Variants in ERC1 observed in about 807,000 individuals in gnomAD.
The protein encoded by ERC1 is RAB6 interacting protein 2.
ERC1 carries 56 observed loss-of-function variants against 132.0 expected under a neutral mutation model. That is an observed-to-expected ratio of 0.42 (90% confidence interval 0.34 to 0.53). The LOEUF is 0.53. Ranked by LOEUF, ERC1 falls within the 20% of genes least tolerant of loss-of-function variation. The probability of loss-of-function intolerance (pLI) is 0.03; values close to 1 mark genes in which losing one functional copy is unlikely to be tolerated. For synonymous variants in ERC1, 478 were observed against 476.1 expected, an observed-to-expected ratio of 1.00 and a Z score of -0.05; for missense variants, 1,202 against 1,349.9, an observed-to-expected ratio of 0.89 and a Z score of 1.72.
chr12:1,103,555 G>A (rs929559875), intron 3 of ERC1, among the ~76,000 whole-genome samples: 1 of 152,182 alleles, frequency 6.6e-6, no homozygotes, highest in Non-Finnish European at 1.5e-5. Flanking sequence ...GGTGGTGGCC[G>A]TGGAGATGGC....
Position 1,475,445 on chromosome 12 carries a change from C to T in ERC1, c.3214-14648C>T, listed in dbSNP as rs1592279956. On this transcript the variant is annotated intron_variant, in intron 18 of 18. Transcript: ENST00000360905. ...CATAAAACCAACTATTGAAAGGGGA[C>T]AAAATGAATACTGTAGCAGTTTACA... 3.3e-5 allele frequency among the ~76,000 whole-genome samples: 5 copies of T among 152,140 alleles called. No homozygotes were observed. In the Middle Eastern group the frequency reaches 0.014, roughly 414 times the overall value.
At chr12:1,017,497 T>A (rs1384294131) in intron 1 of ERC1, among the ~76,000 whole-genome samples, 1 of 110,260 alleles carries the variant, frequency 9.1e-6, no homozygotes, top group East Asian at 2.0e-4. Context: ...GTTCTGGTAT[T>A]TTTTTTTTTT....
intron 1 of ERC1, among the ~76,000 whole-genome samples, chr12:1,015,756 A>T (rs1025954483): frequency 6.6e-6 from 1 of 152,246 alleles, no homozygotes; most frequent in African/African-American, 2.4e-5. Flanking sequence ...GAAAATGAAC[A>T]GGATCTTTAA....
At chr12:1,219,305 T>C (rs1225851309) in intron 12 of ERC1, among the ~76,000 whole-genome samples, 1 of 152,170 alleles carries the variant, frequency 6.6e-6, no homozygotes, top group East Asian at 1.9e-4. Context: ...TCAAATTTAG[T>C]TTTACTCAGA....
intron 13 of ERC1, among the ~76,000 whole-genome samples, chr12:1,237,786 T>A (rs183167818): frequency 6.6e-6 from 1 of 151,908 alleles, no homozygotes; most frequent in Admixed American, 6.6e-5. Flanking sequence ...ATACCATAAA[T>A]GTGCTGGAGT....
At chr12:1,002,962 T>G (rs938546647) in intron 1 of ERC1, among the ~76,000 whole-genome samples, 4 of 144,582 alleles carry the variant, frequency 2.8e-5, no homozygotes, top group Admixed American at 2.0e-4. Context: ...TTAAGACTTC[T>G]TAAGGAGGCC....
intron 14 of ERC1, among the ~76,000 whole-genome samples, chr12:1,276,419 T>C (rs996695508): frequency 5.3e-5 from 8 of 152,054 alleles, no homozygotes; most frequent in South Asian, 4.2e-4. Context: ...TTGTTATTTT[T>C]AGTAGAGACG....
At chr12:1,325,470 A>G (rs2082382148) in intron 15 of ERC1, among the ~76,000 whole-genome samples, 1 of 152,176 alleles carries the variant, frequency 6.6e-6, no homozygotes, top group African/African-American at 2.4e-5. Context: ...CTCTGCTGTA[A>G]GAAAACAGTC....
At chr12:1,191,448 A>C (rs750946307) in intron 12 of ERC1, among the ~76,000 whole-genome samples, 11 of 152,224 alleles carry the variant, frequency 7.2e-5, no homozygotes, top group Admixed American at 2.6e-4. Flanking sequence ...GTGACTTCCC[A>C]CTAAATATAT....
chr12:1,263,232 A>G (rs1262919456), intron 14 of ERC1, 67 bp downstream of exon 14: 30 of 1,517,332 alleles, frequency 2.0e-5, no homozygotes, highest in Non-Finnish European at 2.5e-5. Flanking sequence ...CAACCAGTAT[A>G]GTTTAGGTAA....
At chr12:1,324,404 C>T (rs533913470) in intron 15 of ERC1, among the ~76,000 whole-genome samples, 3 of 152,172 alleles carry the variant, frequency 2.0e-5, no homozygotes, top group African/African-American at 4.8e-5. Flanking sequence ...GAATTCATTT[C>T]GAGGAGGTTA....
At chr12:1,156,292 G>T (rs1277547675) in intron 8 of ERC1, among the ~76,000 whole-genome samples, 1 of 151,966 alleles carries the variant, frequency 6.6e-6, no homozygotes, top group Non-Finnish European at 1.5e-5. Flanking sequence ...AGGCTGGAGT[G>T]CAGTGGTGCA....
At chr12:1,037,783 G>C (rs758891666) in intron 2 of ERC1, among the ~76,000 whole-genome samples, 1 of 152,080 alleles carries the variant, frequency 6.6e-6, no homozygotes, top group African/African-American at 2.4e-5. Flanking sequence ...AGTGGCTCAC[G>C]TTTGTAAGCC....
Position 1,112,294 on chromosome 12 carries a change from C to G in ERC1, c.1397C>G (p.Ala466Gly). The G allele has an allele frequency of 6.2e-7, 1 of 1,611,716 alleles. No homozygotes were observed. Among genetic ancestry groups the G allele is most frequent in the Non-Finnish European group, 8.5e-7 (1 of 1,178,054 alleles). Residue 466 changes from alanine (A) to glycine (G), a missense_variant, in exon 6 of 19, where the codon GCT becomes GGT. Ala to Gly is a moderately conservative substitution (Grantham distance 60). Transcript: ENST00000360905. ...ELKKKAAGLQ[A>G]EIGQVKQELS... ...AAAAAGAAAGCGGCTGGTCTTCAGG[C>G]TGAGGTCTTTGCCGTAAGATTTACC...
intron 15 of ERC1, among the ~76,000 whole-genome samples, chr12:1,313,490 A>G (rs2081461595): frequency 6.6e-6 from 1 of 152,122 alleles, no homozygotes; most frequent in African/African-American, 2.4e-5. Context: ...ATATTGCTTT[A>G]ATTCTATCTA....
intron 16 of ERC1, among the ~76,000 whole-genome samples, chr12:1,390,060 T>C (rs959434662): frequency 2.6e-5 from 4 of 152,224 alleles, no homozygotes; most frequent in African/African-American, 9.6e-5. Context: ...GGGCTGTGTG[T>C]GTCTGGAAGT....
chr12:1,249,834 A>T (rs1367891028), intron 13 of ERC1, among the ~76,000 whole-genome samples: 1 of 152,220 alleles, frequency 6.6e-6, no homozygotes. Context: ...TTTCTGGTTC[A>T]TAGGTAGCAC....
chr12:1,163,883 T>A (rs1008507526), intron 8 of ERC1, among the ~76,000 whole-genome samples: 2 of 152,108 alleles, frequency 1.3e-5, no homozygotes, highest in Non-Finnish European at 2.9e-5. Context: ...ACCTGGCTAA[T>A]TTTTTTATTT....
At chr12:1,337,300 A>C (rs1344168290) in intron 15 of ERC1, among the ~76,000 whole-genome samples, 1 of 151,062 alleles carries the variant, frequency 6.6e-6, no homozygotes, top group African/African-American at 2.4e-5. Context: ...CTATTTAGTA[A>C]TGCTCTTCTT....
Sources: allele counts gnomAD v4.1 joint callset (sites outside exome capture counted in the v4.1 genomes callset), GRCh38; gene constraint gnomAD v4.1.1; transcripts MANE v1.5; gene names NCBI Gene and HGNC (gene_info 2026-07-23, HGNC 2026-07-21).